The following ANKRD30B variants were observed in gnomAD, a reference collection of about 807,000 sequenced individuals.
ANKRD30B encodes the protein ankyrin repeat domain 30B, also known as ankyrin repeat domain-containing protein 30B.
In ANKRD30B, 144 loss-of-function variants were observed where a neutral mutation model predicts 202.2. That is an observed-to-expected ratio of 0.71 (90% CI 0.62 to 0.82). ANKRD30B has a LOEUF of 0.82. Among genes scored for constraint, ANKRD30B ranks in the 40% least tolerant of loss-of-function variants. The pLI is 0.00. For synonymous variants in ANKRD30B, 508 were observed against 561.3 expected (o/e 0.91, Z 1.34); for missense variants, 1,487 against 1,669.1 (o/e 0.89, Z 1.90).
At chr18:14,797,065 A>G (rs1968952291) in intron 18 of ANKRD30B, among the ~76,000 whole-genome samples, 1 of 152,176 alleles carries the variant, frequency 6.6e-6, no homozygotes, top group Admixed American at 6.5e-5. Context: ...GTTACAAACA[A>G]TCCATAGAAA....
chr18:14,861,593 C>A, the ANKRD30B span, among the ~76,000 whole-genome samples: 1 of 150,188 alleles, frequency 6.7e-6, no homozygotes, highest in African/African-American at 2.5e-5. Context: ...AATATATATG[C>A]AGCCAACATT....
At chr18:14,863,052 A>G in the ANKRD30B span, among the ~76,000 whole-genome samples, 1 of 152,324 alleles carries the variant, frequency 6.6e-6, no homozygotes, top group Admixed American at 6.5e-5. Flanking sequence ...AGATGGAGGA[A>G]CGTACCTTGA....
chr18:14,831,397 C>T lies in ANKRD30B; in HGVS notation c.2789C>T (p.Pro930Leu), dbSNP rs769889501. ...TTTTTCTCTAGTCTTTTTGGCAAAC[C>T]GACTACTGAAAATTCACAGTCTACA... is the stretch of plus-strand genomic sequence containing the variant. ...VESTFSLFGKPTTENSQSTKV... is the reference protein window; with the variant it reads ...VESTFSLFGKLTTENSQSTKV... Residue 930 changes from proline (P) to leucine (L), a missense_variant, in exon 34 of 44, where the codon CCG becomes CTG. Physicochemically the swap from Pro to Leu is moderately conservative, Grantham distance 98 (BLOSUM62 -3). Coordinates refer to ENST00000690538, the MANE Select transcript of ANKRD30B (RefSeq NM_001367607.2). The T allele has an allele frequency of 3.0e-5, 46 of 1,524,724 alleles. No homozygotes were observed. The highest frequency in any genetic ancestry group is 2.1e-4 in the African/African-American group (15 of 71,642). The allele number at this position is 1,524,724 out of a possible 1,614,324, so 94.4% of individuals were successfully genotyped here.
chr18:14,868,448 A>C, the ANKRD30B span, among the ~76,000 whole-genome samples: 5 of 152,298 alleles, frequency 3.3e-5, no homozygotes, highest in Admixed American at 1.3e-4. Flanking sequence ...TTTGGTTGTG[A>C]TAAACCTTAA....
chr18:14,863,197 ATTGT>A, the ANKRD30B span, among the ~76,000 whole-genome samples: 1 of 152,238 alleles, frequency 6.6e-6, no homozygotes, highest in African/African-American at 2.4e-5. Context: ...GTGAAATGAC[ATTGT>A]TTGGATGTGT....
At chr18:14,859,172 G>T (rs1263459709), downstream of ANKRD30B, among the ~76,000 whole-genome samples, 3 of 115,376 alleles carry the variant, frequency 2.6e-5, no homozygotes, top group African/African-American at 7.3e-5. Context: ...CCTCCCAGAT[G>T]GGGCGGGCTG....
chr18:14,841,572 A>AC (rs1346121896), intron 37 of ANKRD30B, among the ~76,000 whole-genome samples: 12 of 152,328 alleles, frequency 7.9e-5, no homozygotes, highest in African/African-American at 2.4e-4. Context: ...GTCAGATACT[A>AC]CCCTAATCAA....
chr18:14,904,359 G>T, the ANKRD30B span, among the ~76,000 whole-genome samples: 1 of 152,192 alleles, frequency 6.6e-6, no homozygotes, highest in African/African-American at 2.4e-5. Context: ...TAGTAAACAT[G>T]TTCCCACAGC....
At chr18:14,755,916 C>T (rs1598564531) in intron 4 of ANKRD30B, among the ~76,000 whole-genome samples, 2 of 152,238 alleles carry the variant, frequency 1.3e-5, no homozygotes, top group East Asian at 3.9e-4. Flanking sequence ...TGGGTATATA[C>T]CCAGTAATGG....
the ANKRD30B span, among the ~76,000 whole-genome samples, chr18:14,876,121 A>G: frequency 6.6e-6 from 1 of 151,828 alleles, no homozygotes; most frequent in Non-Finnish European, 1.5e-5. Flanking sequence ...ATGGCTCTGG[A>G]CCTCAGGGAA....
At chr18:14,876,033 G>A in the ANKRD30B span, among the ~76,000 whole-genome samples, 1 of 152,134 alleles carries the variant, frequency 6.6e-6, no homozygotes, top group African/African-American at 2.4e-5. Context: ...TACTGCTCAA[G>A]TCAGAGCAAG....
chr18:14,748,440 C>T lies in ANKRD30B; in HGVS notation c.21C>T (p.Ala7=), dbSNP rs1322589881. The T allele has an allele frequency of 6.6e-7, 1 of 1,515,210 alleles. No homozygotes were observed. Among genetic ancestry groups the T allele is most frequent in the South Asian group, 1.3e-5 (1 of 79,404 alleles). The allele number at this position is 1,515,210 out of a possible 1,614,324, so 93.9% of individuals were successfully genotyped here. Residue 7 remains alanine (A), a synonymous_variant, in exon 1 of 44, where the codon GCC becomes GCT. Transcript: ENST00000690538. ...CAGCCATGAAGAGGCTCTTAGCTGC[C>T]GCTGGCAAGGGCGTGCGGGGCCCGG... MKRLLA[A]AGKGVRGPEP...
chr18:14,826,442 T>C (rs1443468316), intron 32 of ANKRD30B, among the ~76,000 whole-genome samples: 1 of 152,128 alleles, frequency 6.6e-6, no homozygotes, highest in Non-Finnish European at 1.5e-5. Context: ...GTTGATGTAG[T>C]TAATATTTCT....
At chr18:14,798,312 G>A (rs1197145239) in intron 20 of ANKRD30B, among the ~76,000 whole-genome samples, 2 of 151,888 alleles carry the variant, frequency 1.3e-5, no homozygotes, top group African/African-American at 4.8e-5. Flanking sequence ...GGTCACATGG[G>A]GATGAAGTAA....
intron 16 of ANKRD30B, among the ~76,000 whole-genome samples, chr18:14,794,072 G>T (rs1055771436): frequency 2.6e-5 from 4 of 152,050 alleles, no homozygotes; most frequent in South Asian, 2.1e-4. Flanking sequence ...ATGCAAGGAT[G>T]CACAGCCATA....
intron 33 of ANKRD30B, among the ~76,000 whole-genome samples, 181 bp from the exon 34 acceptor site, chr18:14,831,202 G>GAAAAAAAAAAAAAAAAA (rs1434127361): frequency 3.9e-5 from 3 of 76,930 alleles, no homozygotes; most frequent in Non-Finnish European, 2.7e-5. Flanking sequence ...AAAAAAAAAC[G>GAAAAAAAAAAAAAAAAA]AAAACCAGAT....
chr18:14,914,322 G>A, the ANKRD30B span, among the ~76,000 whole-genome samples: 1 of 152,184 alleles, frequency 6.6e-6, no homozygotes, highest in Non-Finnish European at 1.5e-5. Context: ...GAGGCTCACA[G>A]GCTTTGAGTA....
chr18:14,858,724 GGGGCGGCT>G (rs1972138297), downstream of ANKRD30B, among the ~76,000 whole-genome samples: 1 of 144,768 alleles, frequency 6.9e-6, no homozygotes. Flanking sequence ...CCTCCCAGAC[GGGGCGGCT>G]GGGCAGAGGT....
rs754777450 is a variant in ANKRD30B at position 14,787,114 on chromosome 18, T to C, written c.1734+14T>C. On this transcript the variant is annotated intron_variant, in intron 15 of 43. Coordinates refer to ENST00000690538, the MANE Select transcript of ANKRD30B (RefSeq NM_001367607.2). ...TGGGATTCTGAGGTACTATGTGTTA[T>C]TGATTTTTTTAAATATTAGTATTGC... The C allele has an allele frequency of 4.4e-5, 70 of 1,596,792 alleles. No individual in the cohort carries two copies. Among genetic ancestry groups the C allele is most frequent in the Non-Finnish European group, 5.3e-5 (62 of 1,171,016 alleles).
Sources: allele counts gnomAD v4.1 joint callset (sites outside exome capture counted in the v4.1 genomes callset), GRCh38; gene constraint gnomAD v4.1.1; transcripts MANE v1.5; gene names NCBI Gene and HGNC (gene_info 2026-07-23, HGNC 2026-07-21).